The following PPP1R9A variants were observed in gnomAD, a reference collection of about 807,000 sequenced individuals.
PPP1R9A encodes neurabin-1.
A neutral mutation model predicts 141.9 loss-of-function variants in PPP1R9A; 59 were observed. The observed-to-expected ratio is 0.42, with a 90% CI of 0.34 to 0.52. The LOEUF (loss-of-function observed/expected upper bound fraction) is 0.52. Ranked by LOEUF, PPP1R9A falls within the 20% of genes least tolerant of loss-of-function variation. The pLI is 0.10. For missense variants in PPP1R9A, 1,444 were observed against 1,611.9 expected (o/e 0.90, Z 1.78); for synonymous variants, 500 against 569.7 (o/e 0.88, Z 1.74).
chr7:95,253,421 T>G (rs903305907), intron 12 of PPP1R9A, among the ~76,000 whole-genome samples: 6 of 152,232 alleles, frequency 3.9e-5, no homozygotes, highest in Non-Finnish European at 7.3e-5. Flanking sequence ...TTAGAAATCT[T>G]CATTTAAAAT....
intron 8 of PPP1R9A, among the ~76,000 whole-genome samples, chr7:95,235,308 A>G (rs192767242): frequency 1.3e-5 from 2 of 152,306 alleles, no homozygotes; most frequent in African/African-American, 4.8e-5. Context: ...AAGAACTCAA[A>G]CAAATCAGCA....
intron 2 of PPP1R9A, among the ~76,000 whole-genome samples, chr7:95,054,282 A>AT (rs201366654): frequency 4.0e-3 from 574 of 143,296 alleles, no homozygotes; most frequent in Middle Eastern, 0.015. Flanking sequence ...CGCCCAGCTA[A>AT]TTTTTTTTTT....
chr7:94,909,307 C>T (rs1791188023), intron 1 of PPP1R9A, among the ~76,000 whole-genome samples: 1 of 152,172 alleles, frequency 6.6e-6, no homozygotes. Context: ...TATTGCTATT[C>T]AGGAACTTTT....
intron 2 of PPP1R9A, among the ~76,000 whole-genome samples, chr7:95,073,500 G>A (rs1814307905): frequency 6.6e-6 from 1 of 151,556 alleles, no homozygotes; most frequent in Admixed American, 6.6e-5. Flanking sequence ...TAACACATTT[G>A]CAGCTACCTT....
chr7:95,099,721 G>A lies in PPP1R9A; in HGVS notation c.1396-11538G>A, dbSNP rs115439972. ...TTATTAAAAATCAATGAAAAATAAT[G>A]TATAGTAACCAGTAAGTCATAAATA... On this transcript the variant is annotated intron_variant, in intron 2 of 19. Transcript: ENST00000433360. Among the ~76,000 whole-genome samples, 1,039 of 152,066 alleles carry A rather than the reference G, an allele frequency of 6.8e-3. 15 individuals are homozygous for A. Among genetic ancestry groups the A allele is most frequent in the African/African-American group, 0.023 (974 of 41,476 alleles).
chr7:94,954,462 T>C (rs1352604812), intron 2 of PPP1R9A, among the ~76,000 whole-genome samples: 2 of 151,988 alleles, frequency 1.3e-5, no homozygotes, highest in Non-Finnish European at 2.9e-5. Flanking sequence ...GTCTATATGT[T>C]GGATGCAAAT....
intron 2 of PPP1R9A, among the ~76,000 whole-genome samples, chr7:95,005,994 C>G (rs1457456179): frequency 6.6e-6 from 1 of 151,986 alleles, no homozygotes; most frequent in African/African-American, 2.4e-5. Context: ...TTTTTAGCAT[C>G]TTGCTTATAG....
At chr7:95,073,990 G>A (rs1431617506) in intron 2 of PPP1R9A, among the ~76,000 whole-genome samples, 1 of 152,160 alleles carries the variant, frequency 6.6e-6, no homozygotes, top group African/African-American at 2.4e-5. Context: ...GATGAATGAG[G>A]TTAGAAGCAC....
At position 95,254,316 on chromosome 7, in the gene PPP1R9A, G is replaced by T. The variant is rs115635673; in HGVS notation, c.2665+2186G>T. Among the ~76,000 whole-genome samples, 444 of 152,240 alleles carry T rather than the reference G, an allele frequency of 2.9e-3. 2 individuals are homozygous for T. Among genetic ancestry groups the T allele is most frequent in the African/African-American group, 9.9e-3 (413 of 41,550 alleles). On this transcript the variant is annotated intron_variant, in intron 12 of 19. Transcript: ENST00000433360. ...GTTGCTTGATCACATAAACTAAAAT[G>T]GCGTGGTCAGTAGCTAGATAGGAAT...
At chr7:95,150,681 A>G (rs1189566680) in intron 4 of PPP1R9A, among the ~76,000 whole-genome samples, 1 of 152,192 alleles carries the variant, frequency 6.6e-6, no homozygotes, top group East Asian at 1.9e-4. Flanking sequence ...TTTTAAATCA[A>G]AAACTTGTGT....
Position 95,111,302 on chromosome 7 carries a change from A to G in PPP1R9A, c.1439A>G (p.Asp480Gly), listed in dbSNP as rs1820523758. Residue 480 changes from aspartate to glycine, a missense_variant, in exon 3 of 20, where the codon GAC (aspartate) becomes GGC (glycine). Asp to Gly is a moderately conservative substitution (Grantham distance 94). Coordinates refer to ENST00000433360, the MANE Select transcript of PPP1R9A (RefSeq NM_001166160.2). ...YSNEDYDRRN[D>G]EVDPVAASAE... ...AATGAAGACTATGACAGGAGAAATG[A>G]CGAAGTTGACCCTGTGGCTGCTTCA... is the stretch of plus-strand genomic sequence containing the variant. 2 of 1,613,072 alleles carry G rather than the reference A, an allele frequency of 1.2e-6. No homozygotes were observed. Among genetic ancestry groups the G allele is most frequent in the Non-Finnish European group, 1.7e-6 (2 of 1,179,210 alleles).
chr7:95,286,285 C>G lies in PPP1R9A; in HGVS notation c.3689C>G (p.Thr1230Arg). The G allele has an allele frequency of 1.9e-6, 3 of 1,613,640 alleles. No homozygotes were observed. The highest frequency in any genetic ancestry group is 2.5e-6 in the Non-Finnish European group (3 of 1,179,688). The part of the protein sequence containing the change: ...DLSGLGAEPK[T>R]PGLSQSLALS... ...AGCGGCTTAGGAGCAGAACCTAAAA[C>G]ACCAGGGCTCTCTCAGTCCTTAGCA... The change falls in exon 18 of 20, where the codon ACA becomes AGA. Residue 1230 changes from threonine (T) to arginine (R), a missense_variant. Physicochemically the swap from Thr to Arg is moderately conservative, Grantham distance 71 (BLOSUM62 -1). Transcript: ENST00000433360.
intron 2 of PPP1R9A, among the ~76,000 whole-genome samples, chr7:95,078,991 T>A (rs1049624064): frequency 1.3e-4 from 20 of 152,236 alleles, no homozygotes; most frequent in African/African-American, 4.8e-4. Flanking sequence ...TTTAATGAGA[T>A]CCCATTTGTC....
chr7:95,280,063 AG>A (rs1803889457), intron 16 of PPP1R9A, among the ~76,000 whole-genome samples: 1 of 152,118 alleles, frequency 6.6e-6, no homozygotes, highest in South Asian at 2.1e-4. Context: ...ATGTCTGAGT[AG>A]GGGGCGGGGG....
intron 2 of PPP1R9A, among the ~76,000 whole-genome samples, chr7:95,099,310 G>A (rs569694643): frequency 1.4e-4 from 21 of 152,272 alleles, no homozygotes; most frequent in African/African-American, 4.8e-4. Flanking sequence ...TTTCTGTGAT[G>A]AGGACACCTG....
chr7:95,079,602 A>G (rs1815458824), intron 2 of PPP1R9A, among the ~76,000 whole-genome samples: 1 of 152,050 alleles, frequency 6.6e-6, no homozygotes, highest in African/African-American at 2.4e-5. Flanking sequence ...GGCCAGCATC[A>G]TCCTGATACC....
chr7:94,982,184 A>G (rs1187896820), intron 2 of PPP1R9A, among the ~76,000 whole-genome samples: 3 of 152,122 alleles, frequency 2.0e-5, no homozygotes, highest in Admixed American at 6.5e-5. Flanking sequence ...ATAGTATTCC[A>G]TGGTGTATAT....
chr7:95,006,676 A>G (rs563254686), intron 2 of PPP1R9A, among the ~76,000 whole-genome samples: 1 of 152,256 alleles, frequency 6.6e-6, no homozygotes, highest in Non-Finnish European at 1.5e-5. Context: ...AACTACTGAG[A>G]AAAAATAAAA....
At chr7:95,196,592 A>G (rs1000196719) in intron 5 of PPP1R9A, among the ~76,000 whole-genome samples, 4 of 152,156 alleles carry the variant, frequency 2.6e-5, no homozygotes, top group Non-Finnish European at 5.9e-5. Context: ...CAAATGTGGT[A>G]TATTGAATAC....
Sources: allele counts gnomAD v4.1 joint callset (sites outside exome capture counted in the v4.1 genomes callset), GRCh38; gene constraint gnomAD v4.1.1; transcripts MANE v1.5; gene names NCBI Gene and HGNC (gene_info 2026-07-23, HGNC 2026-07-21).